Variants in AZIN2 observed in about 807,000 individuals in gnomAD.
The protein encoded by AZIN2 is ODC antizyme inhibitor-2.
Under a neutral mutation model 47.8 loss-of-function variants are expected in AZIN2, and 28 were observed. The ratio of observed to expected loss-of-function variants is 0.59; its 90% CI spans 0.43 to 0.80. The LOEUF is 0.80. AZIN2 is among the 30% of genes least tolerant of loss of function. AZIN2 has a pLI of 0.00. For synonymous variants in AZIN2, 221 were observed against 239.4 expected, an observed-to-expected ratio of 0.92 and a Z score of 0.71; for missense variants, 535 against 582.5, an observed-to-expected ratio of 0.92 and a Z score of 0.84.
At chr1:33,148,582 T>C in the AZIN2 span, among the ~76,000 whole-genome samples, 8 of 152,222 alleles carry the variant, frequency 5.3e-5, no homozygotes, top group Admixed American at 1.3e-4. Context: ...AGTGTGATTG[T>C]GGGTGAGCAT....
At chr1:33,097,248 C>A (rs1238435378) in intron 9 of AZIN2, among the ~76,000 whole-genome samples, 1 of 152,182 alleles carries the variant, frequency 6.6e-6, no homozygotes, top group Non-Finnish European at 1.5e-5. Context: ...CTCCTACTCA[C>A]CCTACTGCTT....
rs1172224456 is a variant in AZIN2, at chr1:33,082,223, C to T, written c.-27C>T. The T allele has an allele frequency of 2.5e-6, 4 of 1,594,168 alleles. No individual in the cohort carries two copies. The highest frequency in any genetic ancestry group is 3.4e-6 in the Non-Finnish European group (4 of 1,162,746). ...GCGGCGGCTGCAGCAGCGGCTCCAT[C>T]CAGCCCGTCAGCTCCTCCTGCAAGG... On this transcript the variant is annotated 5_prime_UTR_variant, in exon 4 of 12. Coordinates refer to ENST00000294517, the MANE Select transcript of AZIN2 (RefSeq NM_052998.4).
the AZIN2 span, chr1:33,147,728 C>T: frequency 6.2e-7 from 1 of 1,607,546 alleles, no homozygotes; most frequent in South Asian, 1.1e-5. This position sits in a 1 kb window ranked among gnomAD's most constrained non-coding sequence, Gnocchi z 8.1. Flanking sequence ...GCGGCTGGCA[C>T]TGTGGGGGTT....
chr1:33,122,302 T>C lies in AZIN2; in HGVS notation c.*2120T>C, dbSNP rs1167534596. Among the ~76,000 whole-genome samples the C allele has an allele frequency of 6.6e-6, 1 of 152,198 alleles. No individual in the cohort carries two copies. Among genetic ancestry groups the C allele is most frequent in the Non-Finnish European group, 1.5e-5 (1 of 68,034 alleles). Reference sequence around the variant, plus strand: ...GTCCACTGAGGGGGCATTCTGTGGCTTTTGAAATGACAGTGGCTGTCATGG... The same window carrying C: ...GTCCACTGAGGGGGCATTCTGTGGCCTTTGAAATGACAGTGGCTGTCATGG... On this transcript the variant is annotated 3_prime_UTR_variant, in exon 12 of 12. Transcript: ENST00000294517.
the AZIN2 span, chr1:33,145,971 G>A: frequency 4.3e-6 from 2 of 469,582 alleles, no homozygotes; most frequent in Admixed American, 2.4e-5. Flanking sequence ...GAGTGAAGTG[G>A]GAGAGGGGCA....
chr1:33,109,006 T>C (rs906552334), intron 10 of AZIN2, among the ~76,000 whole-genome samples: 2 of 152,246 alleles, frequency 1.3e-5, no homozygotes, highest in African/African-American at 2.4e-5. Context: ...ATGGGAGTTC[T>C]TGTTGCTCCA....
chr1:33,149,403 C>T, the AZIN2 span, among the ~76,000 whole-genome samples: 3,156 of 151,880 alleles, frequency 0.021, 90 homozygotes, highest in African/African-American at 0.072. Context: ...ATCTGCCCAC[C>T]TCGGCCTCCC....
intron 10 of AZIN2, among the ~76,000 whole-genome samples, chr1:33,102,344 G>A (rs1417951924): frequency 1.3e-5 from 2 of 152,130 alleles, no homozygotes; most frequent in Non-Finnish European, 2.9e-5. Flanking sequence ...TCCCCTTCAT[G>A]TCTGAATTTC....
the AZIN2 span, among the ~76,000 whole-genome samples, chr1:33,130,094 C>T: frequency 5.3e-5 from 8 of 152,158 alleles, no homozygotes; most frequent in East Asian, 5.8e-4. Flanking sequence ...CCTGACCTCA[C>T]GTGATCCACC....
chr1:33,093,865 G>T (rs138019141), intron 7 of AZIN2, among the ~76,000 whole-genome samples: 6 of 151,952 alleles, frequency 3.9e-5, no homozygotes, highest in African/African-American at 9.7e-5. Context: ...CTCCCAAGTA[G>T]CTGTGACCAC....
chr1:33,158,275 G>A, the AZIN2 span: 2 of 1,613,976 alleles, frequency 1.2e-6, no homozygotes, highest in Admixed American at 1.7e-5. Context: ...CCTGGAACAG[G>A]GACTTCCAGA....
chr1:33,098,167 C>T lies in AZIN2; in HGVS notation c.1017C>T (p.Pro339=). 1.9e-6 allele frequency: 3 copies of T among 1,610,322 alleles called. No individual in the cohort carries two copies. Among genetic ancestry groups the T allele is most frequent in the Non-Finnish European group, 2.5e-6 (3 of 1,178,468 alleles). ...SVLFDNICPT[P]ILQKKPSTEQ... ...TGTTTGACAACATCTGCCCTACCCC[C>T]ATCCTGCAGAAGGTGAGCTTACCCC... Residue 339 remains proline, a synonymous_variant, in exon 10 of 12, where the codon CCC becomes CCT. Transcript: ENST00000294517.
At chr1:33,143,807 A>G in the AZIN2 span, among the ~76,000 whole-genome samples, 1 of 152,216 alleles carries the variant, frequency 6.6e-6, no homozygotes, top group South Asian at 2.1e-4. Flanking sequence ...TGCAGAGAGC[A>G]CCCAGTGGCC....
the AZIN2 span, chr1:33,165,374 C>T: frequency 1.6e-5 from 19 of 1,165,854 alleles, no homozygotes; most frequent in Non-Finnish European, 2.3e-5. The surrounding 1 kb of genome is among the most constrained non-coding windows in gnomAD (Gnocchi z 4.0). Flanking sequence ...TTCCACCGCA[C>T]ACCCGAGGCC....
intron 11 of AZIN2, chr1:33,119,811 G>T (rs377699242): frequency 2.2e-5 from 13 of 587,092 alleles, no homozygotes; most frequent in Non-Finnish European, 3.6e-5. Flanking sequence ...CTGGCATGAT[G>T]TCTGGCATGT....
chr1:33,083,709 T>A, intron 4 of AZIN2: 1 of 550,406 alleles, frequency 1.8e-6, no homozygotes, highest in Non-Finnish European at 3.3e-6. Flanking sequence ...GGGAAAATGA[T>A]CCAGCCTACA....
intron 10 of AZIN2, among the ~76,000 whole-genome samples, chr1:33,112,841 C>A (rs557304570): frequency 7.9e-5 from 12 of 152,132 alleles, no homozygotes; most frequent in Admixed American, 2.6e-4. Context: ...GAAAAACATC[C>A]TGGGGATTTT....
intron 10 of AZIN2, among the ~76,000 whole-genome samples, chr1:33,108,505 G>A (rs1296973023): frequency 2.0e-5 from 3 of 151,988 alleles, no homozygotes; most frequent in South Asian, 2.1e-4. Flanking sequence ...ATCATGCCCC[G>A]CTACTTTTTG....
chr1:33,091,571 A>G (rs1203344686), intron 5 of AZIN2, among the ~76,000 whole-genome samples: 1 of 151,990 alleles, frequency 6.6e-6, no homozygotes, highest in East Asian at 1.9e-4. Context: ...AGGAACCTCC[A>G]TACTGTTTTC....
Sources: allele counts gnomAD v4.1 joint callset (sites outside exome capture counted in the v4.1 genomes callset), GRCh38; gene constraint gnomAD v4.1.1; non-coding constraint Gnocchi (gnomAD v3.1); transcripts MANE v1.5; gene names NCBI Gene and HGNC (gene_info 2026-07-23, HGNC 2026-07-21).